Variants in DIAPH2 observed in about 807,000 individuals in gnomAD.
DIAPH2 encodes protein diaphanous homolog 2.
Under a neutral mutation model 92.7 loss-of-function variants are expected in DIAPH2, and 35 were observed. The observed-to-expected ratio is 0.38, with a 90% CI of 0.29 to 0.50. DIAPH2 has a LOEUF of 0.50. Among genes scored for constraint, DIAPH2 ranks in the 20% least tolerant of loss-of-function variants. The pLI is 0.94. For synonymous variants in DIAPH2, 301 were observed against 280.4 expected (o/e 1.07, Z -0.73); for missense variants, 701 against 819.5 (o/e 0.86, Z 1.77).
chrX:97,125,816 C>G (rs2067090383), intron 21 of DIAPH2, among the ~76,000 whole-genome samples: 1 of 112,181 alleles, frequency 8.9e-6, no homozygotes, highest in Non-Finnish European at 1.9e-5. Context: ...ATAATAGATA[C>G]AGTTAATGGT....
chrX:97,040,838 T>G (rs769246841), intron 17 of DIAPH2, among the ~76,000 whole-genome samples: 2 of 111,098 alleles, frequency 1.8e-5, no homozygotes, highest in Non-Finnish European at 3.8e-5. Flanking sequence ...GTTTTAGGCT[T>G]ACAGAAAAAA....
At position 97,247,800 on chromosome X, in the gene DIAPH2, A is replaced by G. The variant is rs1478056264; in HGVS notation, c.2805A>G (p.Gln935=). The change falls in exon 23 of 27, where the codon CAA becomes CAG. Residue 935 remains glutamine, a synonymous_variant. Coordinates refer to ENST00000324765, the MANE Select transcript of DIAPH2 (RefSeq NM_006729.5). Reference sequence around the variant, plus strand: ...AACGTGACATCAAGAAATTCCCCCAAGCAGAAAATCAACACGATAAGTTTG... The same window carrying G: ...AACGTGACATCAAGAAATTCCCCCAGGCAGAAAATCAACACGATAAGTTTG... The part of the protein sequence containing the change: ...HLERDIKKFP[Q]AENQHDKFVE... 12 of 1,207,264 alleles carry G rather than the reference A, an allele frequency of 9.9e-6. No homozygotes were observed. The highest frequency in any genetic ancestry group is 1.3e-5 in the Non-Finnish European group (12 of 893,590).
At chrX:97,241,801 G>A (rs1455992381) in intron 22 of DIAPH2, among the ~76,000 whole-genome samples, 3 of 90,313 alleles carry the variant, frequency 3.3e-5, no homozygotes, top group Admixed American at 2.6e-4. Flanking sequence ...TTTTGAGACG[G>A]AGTCTCACTC....
intron 26 of DIAPH2, among the ~76,000 whole-genome samples, chrX:97,457,074 G>A (rs1488368157): frequency 1.8e-5 from 2 of 111,908 alleles, no homozygotes; most frequent in African/African-American, 6.5e-5. Context: ...AGGCTGGAGT[G>A]CAGTGGCACT....
At chrX:97,072,888 G>A (rs947001965) in intron 17 of DIAPH2, 53 bp from the exon 18 acceptor site, 38 of 774,211 alleles carry the variant, frequency 4.9e-5, no homozygotes, top group South Asian at 3.3e-4. Flanking sequence ...ATGTTATTCC[G>A]TGTACTTGGA....
chrX:96,751,003 A>G (rs1397286861), intron 3 of DIAPH2, among the ~76,000 whole-genome samples: 1 of 112,480 alleles, frequency 8.9e-6, no homozygotes, highest in African/African-American at 3.2e-5. Context: ...TTTACAAAGT[A>G]TCACTAAGGT....
intron 4 of DIAPH2, among the ~76,000 whole-genome samples, chrX:96,853,146 A>G (rs1481248799): frequency 1.8e-5 from 2 of 111,512 alleles, no homozygotes; most frequent in African/African-American, 6.5e-5. Context: ...ACTTTGTTTA[A>G]ATAATTTCAT....
At chrX:96,864,020 G>A (rs907428721) in intron 4 of DIAPH2, among the ~76,000 whole-genome samples, 33 of 111,443 alleles carry the variant, frequency 3.0e-4, no homozygotes, top group African/African-American at 1.1e-3. Flanking sequence ...ATGTGATCAC[G>A]CCATTGCACT....
At position 97,570,113 on chromosome X, in the gene DIAPH2, TATATATATATTAGA is replaced by T. The variant is rs1569426200; in HGVS notation, c.3242-29138_3242-29125del. Reference sequence around the variant, plus strand: ...ATATATATATATATATATATATATATATATATATATTAGAAGATAGATAGATAGATAGATAGATA... The same window carrying T: ...ATATATATATATATATATATATATATAGATAGATAGATAGATAGATAGATA... On this transcript the variant is annotated intron_variant, in intron 26 of 26. Transcript: ENST00000324765. 3.2e-4 allele frequency among the ~76,000 whole-genome samples: 10 copies of T among 31,740 alleles called. No individual in the cohort carries two copies. In the East Asian group the frequency reaches 7.2e-3, roughly 23 times the overall value. 27.6% of individuals were successfully genotyped at this position (31,740 alleles called of 115,157 possible). A position where few individuals can be genotyped will look rare whatever the true frequency, so the allele number is the denominator to read the frequency against.
Position 97,367,386 on chromosome X carries a change from C to T in DIAPH2, c.3010-16523C>T, listed in dbSNP as rs1203361893. Among the ~76,000 whole-genome samples the T allele has an allele frequency of 1.3e-4, 14 of 111,735 alleles. No homozygotes were observed. In the Admixed American group the frequency reaches 1.3e-3, roughly 11 times the overall value. ...CATCTACAGATGGAATGGCTTGCTTCCCAGAATGCAATCACTACTATATAA... is the reference window on the plus strand; with the variant it reads ...CATCTACAGATGGAATGGCTTGCTTTCCAGAATGCAATCACTACTATATAA... On this transcript the variant is annotated intron_variant, in intron 24 of 26. Coordinates refer to ENST00000324765, the MANE Select transcript of DIAPH2 (RefSeq NM_006729.5).
At chrX:97,151,396 G>A (rs2067284755) in intron 22 of DIAPH2, among the ~76,000 whole-genome samples, 1 of 111,623 alleles carries the variant, frequency 9.0e-6, no homozygotes, top group South Asian at 3.8e-4. Flanking sequence ...GTGATCACAT[G>A]CATTGTATAA....
At chrX:96,962,500 T>C (rs770604733) in intron 16 of DIAPH2, among the ~76,000 whole-genome samples, 2,173 of 70,593 alleles carry the variant, frequency 0.031, 130 homozygotes, top group East Asian at 0.041. Context: ...CACACACATA[T>C]ATATATATAT....
chrX:97,456,968 T>C (rs1762566553), intron 26 of DIAPH2, among the ~76,000 whole-genome samples: 1 of 112,417 alleles, frequency 8.9e-6, no homozygotes, highest in African/African-American at 3.2e-5. Context: ...AATATCTATT[T>C]AGTGTTTACA....
intron 22 of DIAPH2, among the ~76,000 whole-genome samples, chrX:97,170,168 A>G (rs1242053410): frequency 1.8e-5 from 2 of 111,150 alleles, no homozygotes; most frequent in Non-Finnish European, 3.8e-5. Context: ...GTCTGGACTT[A>G]TGGGGAGAAG....
intron 22 of DIAPH2, among the ~76,000 whole-genome samples, chrX:97,164,433 G>A (rs2067397145): frequency 9.0e-6 from 1 of 111,444 alleles, no homozygotes; most frequent in Non-Finnish European, 1.9e-5. Flanking sequence ...GCAAAAGTGA[G>A]GCAGACTTAT....
intron 17 of DIAPH2, among the ~76,000 whole-genome samples, chrX:97,053,831 G>A (rs1569289817): frequency 8.9e-6 from 1 of 111,791 alleles, no homozygotes; most frequent in East Asian, 2.8e-4. Flanking sequence ...CATGTGCTTT[G>A]TGTGGATATA....
chrX:97,275,495 G>A, intron 23 of DIAPH2, among the ~76,000 whole-genome samples: 1 of 107,572 alleles, frequency 9.3e-6, no homozygotes, highest in Non-Finnish European at 1.9e-5. Flanking sequence ...GCGGCTGCCG[G>A]GCGGAGGGGC....
intron 17 of DIAPH2, among the ~76,000 whole-genome samples, chrX:97,067,657 G>T (rs927280445): frequency 1.8e-5 from 2 of 111,298 alleles, no homozygotes; most frequent in Non-Finnish European, 3.8e-5. Flanking sequence ...TCAACAATAC[G>T]CAAGATTAGT....
At chrX:96,869,494 G>A (rs233201) in intron 4 of DIAPH2, among the ~76,000 whole-genome samples, 42,201 of 107,746 alleles carry the variant, frequency 0.39, 7,233 homozygotes, top group African/African-American at 0.64. Context: ...CCCAGGAGGC[G>A]CAGGTTGCAG....
Sources: gnomAD v4.1 joint callset for allele counts (sites outside exome capture counted in the v4.1 genomes callset) on GRCh38, gnomAD v4.1.1 for gene constraint, MANE v1.5 for transcripts, NCBI Gene and HGNC (gene_info 2026-07-23, HGNC 2026-07-21) for gene names.